DDAH1: variants seen among roughly 807,000 people sequenced by gnomAD.
DDAH1 encodes N(G),N(G)-dimethylarginine dimethylaminohydrolase 1.
In DDAH1, 19 loss-of-function variants were observed where a neutral mutation model predicts 28.8. That is an observed-to-expected ratio of 0.66 (90% CI 0.46 to 0.97). The LOEUF is 0.97. Ranked by LOEUF, DDAH1 falls within the 50% of genes least tolerant of loss-of-function variation. The probability of loss-of-function intolerance (pLI) is 0.00; values close to 1 mark genes in which losing one functional copy is unlikely to be tolerated. For synonymous variants in DDAH1, 153 were observed against 154.4 expected (o/e 0.99, Z 0.07); for missense variants, 326 against 375.9 (o/e 0.87, Z 1.10).
intron 4 of DDAH1, among the ~76,000 whole-genome samples, chr1:85,330,769 G>A: frequency 6.6e-6 from 1 of 152,204 alleles, no homozygotes. Context: ...AGATCAATTG[G>A]TGGTCAGCTC....
At chr1:85,572,758 C>T (rs1206530182) in intron 1 of DDAH1, among the ~76,000 whole-genome samples, 1 of 152,188 alleles carries the variant, frequency 6.6e-6, no homozygotes, top group Non-Finnish European at 1.5e-5. Context: ...TGGTGCAATC[C>T]TATCATCTCA....
intron 1 of DDAH1, among the ~76,000 whole-genome samples, chr1:85,543,775 A>G (rs1312383072): frequency 6.6e-6 from 1 of 152,162 alleles, no homozygotes; most frequent in African/African-American, 2.4e-5. Flanking sequence ...GATACTGTTG[A>G]TGAGAAGGGT....
At chr1:85,475,966 C>G (rs545811774) in intron 2 of DDAH1, among the ~76,000 whole-genome samples, 4 of 152,200 alleles carry the variant, frequency 2.6e-5, no homozygotes, top group African/African-American at 9.6e-5. Flanking sequence ...ATTCTCCCAC[C>G]TTAGTCTCCT....
At chr1:85,460,866 A>C (rs551885765) in intron 1 of DDAH1, among the ~76,000 whole-genome samples, 1 of 152,274 alleles carries the variant, frequency 6.6e-6, no homozygotes, top group South Asian at 2.1e-4. Context: ...ATCTACACAA[A>C]AGTTTTAATT....
chr1:85,468,907 A>G (rs1283903796), upstream of DDAH1, among the ~76,000 whole-genome samples: 1 of 152,292 alleles, frequency 6.6e-6, no homozygotes, highest in African/African-American at 2.4e-5. Context: ...CCATGATTCA[A>G]TTACCTCCCA....
rs569055955 is a variant in DDAH1, at chr1:85,464,277, C to T, written c.303+466G>A. Among the ~76,000 whole-genome samples the T allele has an allele frequency of 3.9e-5, 6 of 152,278 alleles. No individual in the cohort carries two copies. The East Asian group carries it at 1.2e-3, about 30-fold the overall frequency. The stretch of plus-strand genomic sequence containing the variant: ...GGGCACCGACACCCCGTTAATTCAT[C>T]CAGCTTGTCCTGCTCCGAGCGCCAG... On this transcript the variant is annotated intron_variant, in intron 1 of 5. Transcript: ENST00000284031. The surrounding 1 kb of genome is among the most constrained non-coding windows in gnomAD (Gnocchi z 4.4).
chr1:85,440,452 A>T (rs1654139184), intron 1 of DDAH1, among the ~76,000 whole-genome samples: 1 of 152,210 alleles, frequency 6.6e-6, no homozygotes, highest in African/African-American at 2.4e-5. Flanking sequence ...CAGGGGTCTA[A>T]TCAGAGGTGA....
intron 1 of DDAH1, among the ~76,000 whole-genome samples, chr1:85,439,628 A>C (rs1654100368): frequency 6.6e-6 from 1 of 152,230 alleles, no homozygotes; most frequent in East Asian, 1.9e-4. Context: ...TCTAGTTACT[A>C]CACATTGAAA....
At chr1:85,513,898 G>A (rs1010696924) in intron 1 of DDAH1, among the ~76,000 whole-genome samples, 7 of 152,230 alleles carry the variant, frequency 4.6e-5, no homozygotes, top group African/African-American at 1.4e-4. Flanking sequence ...CTTTTACAGT[G>A]TTGGTGGGAG....
intron 1 of DDAH1, among the ~76,000 whole-genome samples, chr1:85,366,118 A>C (rs1650064683): frequency 6.6e-6 from 1 of 152,012 alleles, no homozygotes; most frequent in South Asian, 2.1e-4. Context: ...AAAACAAAAC[A>C]ACCAACAAAT....
intron 1 of DDAH1, among the ~76,000 whole-genome samples, chr1:85,459,106 T>G (rs1223340151): frequency 6.6e-6 from 1 of 152,268 alleles, no homozygotes; most frequent in Non-Finnish European, 1.5e-5. Context: ...TAAATCTGTT[T>G]GTTGAAAAGT....
intron 1 of DDAH1, among the ~76,000 whole-genome samples, chr1:85,406,258 T>C (rs1230976576): frequency 1.3e-5 from 2 of 152,198 alleles, no homozygotes; most frequent in Non-Finnish European, 2.9e-5. Context: ...ATTTATGAAA[T>C]AGAATTTTAT....
intron 1 of DDAH1, among the ~76,000 whole-genome samples, chr1:85,462,076 C>G (rs924696961): frequency 1.3e-5 from 2 of 152,156 alleles, no homozygotes; most frequent in Non-Finnish European, 2.9e-5. Flanking sequence ...CATCATAAAT[C>G]TGGTATGGTG....
chr1:85,422,069 G>A (rs545704979), intron 1 of DDAH1, among the ~76,000 whole-genome samples: 4 of 149,152 alleles, frequency 2.7e-5, no homozygotes, highest in African/African-American at 1.0e-4. Context: ...TCCTTGCCAA[G>A]CGATTGATAT....
At chr1:85,501,619 A>T (rs1015333117) in intron 1 of DDAH1, among the ~76,000 whole-genome samples, 4 of 152,202 alleles carry the variant, frequency 2.6e-5, no homozygotes, top group Non-Finnish European at 2.9e-5. Flanking sequence ...TCCTCAGAAC[A>T]GTAAAGCAAC....
At chr1:85,432,261 T>A (rs1441868100) in intron 1 of DDAH1, among the ~76,000 whole-genome samples, 1 of 152,136 alleles carries the variant, frequency 6.6e-6, no homozygotes. Flanking sequence ...TGTGGCCTCT[T>A]CATCTCCCAT....
chr1:85,498,617 G>A (rs903293843), intron 1 of DDAH1, among the ~76,000 whole-genome samples: 7 of 152,058 alleles, frequency 4.6e-5, no homozygotes, highest in Admixed American at 3.9e-4. Context: ...GAAATAAAAT[G>A]AAATATTAAA....
chr1:85,340,860 C>CCT (rs921996599), intron 4 of DDAH1, among the ~76,000 whole-genome samples: 8 of 152,224 alleles, frequency 5.3e-5, no homozygotes, highest in East Asian at 3.9e-4. Flanking sequence ...GTATCTTTCA[C>CCT]CTCTCTCTCT....
At chr1:85,396,102 A>G (rs1234225260) in intron 1 of DDAH1, among the ~76,000 whole-genome samples, 1 of 152,124 alleles carries the variant, frequency 6.6e-6, no homozygotes, top group East Asian at 1.9e-4. Flanking sequence ...ATTGTGGCTA[A>G]ATGAGTATTA....
Sources: allele counts gnomAD v4.1 joint callset (sites outside exome capture counted in the v4.1 genomes callset), GRCh38; gene constraint gnomAD v4.1.1; non-coding constraint Gnocchi (gnomAD v3.1); transcripts MANE v1.5; gene names NCBI Gene and HGNC (gene_info 2026-07-23, HGNC 2026-07-21).